The following LIMD1 variants were observed in gnomAD, a reference collection of about 807,000 sequenced individuals.
The protein encoded by LIMD1 is LIM domain containing 1.
LIMD1 carries 23 observed loss-of-function variants against 58.4 expected under a neutral mutation model. That is an observed-to-expected ratio of 0.39 (90% CI 0.28 to 0.56). LIMD1 has a LOEUF of 0.56. Among genes scored for constraint, LIMD1 ranks in the 20% least tolerant of loss-of-function variants. The pLI, the probability that LIMD1 is intolerant of heterozygous loss-of-function variation, is 0.57. For synonymous variants in LIMD1, 334 were observed against 345.5 expected (o/e 0.97, Z 0.37); for missense variants, 838 against 855.5 (o/e 0.98, Z 0.25).
At chr3:45,597,155 T>C (rs764778393) in intron 1 of LIMD1, among the ~76,000 whole-genome samples, 23 of 152,130 alleles carry the variant, frequency 1.5e-4, no homozygotes, top group African/African-American at 2.2e-4. Flanking sequence ...CCACCGCGCC[T>C]GGCCAGAGCA....
At chr3:45,633,877 CTG>C (rs924227932) in intron 1 of LIMD1, among the ~76,000 whole-genome samples, 11 of 152,224 alleles carry the variant, frequency 7.2e-5, no homozygotes, top group African/African-American at 2.4e-4. Context: ...GATATGAACT[CTG>C]AAACACAGGG....
rs1697802362 is a variant in LIMD1, at chr3:45,685,837, G to A, written c.*8778G>A. On this transcript the variant is annotated 3_prime_UTR_variant, in exon 8 of 8. Coordinates refer to ENST00000273317, the MANE Select transcript of LIMD1 (RefSeq NM_014240.3). ...ATGGGATTGTGTAATGCCCAACCTT[G>A]TTTTTACTAACCCTGTTTTTAGACT... 1 of 152,194 alleles carries A rather than the reference G, an allele frequency of 6.6e-6. No individual in the cohort carries two copies. The highest frequency in any genetic ancestry group is 2.4e-5 in the African/African-American group (1 of 41,432). The allele number at this position is 152,194 out of a possible 1,614,324, so 9.4% of individuals were successfully genotyped here. A position where few individuals can be genotyped will look rare whatever the true frequency, so the allele number is the denominator to read the frequency against.
intron 7 of LIMD1, among the ~76,000 whole-genome samples, chr3:45,675,495 C>G (rs960818756): frequency 1.3e-5 from 2 of 152,162 alleles, no homozygotes; most frequent in Non-Finnish European, 2.9e-5. Context: ...TGCTACTGCA[C>G]TCCAGCCTGG....
intron 1 of LIMD1, among the ~76,000 whole-genome samples, chr3:45,597,274 G>A (rs1274799400): frequency 1.3e-5 from 2 of 152,122 alleles, no homozygotes; most frequent in African/African-American, 4.8e-5. Flanking sequence ...AGAAACTGTG[G>A]GATGGGACCC....
At chr3:45,649,693 ATT>A (rs1701944135) in intron 2 of LIMD1, among the ~76,000 whole-genome samples, 2 of 136,532 alleles carry the variant, frequency 1.5e-5, no homozygotes, top group Admixed American at 1.5e-4. Flanking sequence ...AAAAAAAAAA[ATT>A]ATATATATGT....
At chr3:45,656,851 C>T (rs996201735) in intron 2 of LIMD1, among the ~76,000 whole-genome samples, 2 of 152,290 alleles carry the variant, frequency 1.3e-5, no homozygotes, top group Non-Finnish European at 2.9e-5. Context: ...CGTCAGGGCA[C>T]ATTATTGCAA....
chr3:45,597,644 G>A (rs1360889061), intron 1 of LIMD1, among the ~76,000 whole-genome samples: 2 of 152,094 alleles, frequency 1.3e-5, no homozygotes, highest in Non-Finnish European at 2.9e-5. Flanking sequence ...TTTTAACTTT[G>A]GATAATTGAC....
intron 1 of LIMD1, among the ~76,000 whole-genome samples, chr3:45,624,804 C>T (rs1701654764): frequency 6.6e-6 from 1 of 151,978 alleles, no homozygotes; most frequent in African/African-American, 2.4e-5. Context: ...GCTGCATCCT[C>T]AGCCTGGCTG....
At chr3:45,637,282 A>AT (rs35720186) in intron 2 of LIMD1, among the ~76,000 whole-genome samples, 94,826 of 144,644 alleles carry the variant, frequency 0.66, 31,315 homozygotes, top group East Asian at 0.91. Flanking sequence ...AAGTGTATTA[A>AT]TTTTTTTTTT....
intron 1 of LIMD1, among the ~76,000 whole-genome samples, chr3:45,608,839 C>CA (rs60750700): frequency 0.3 from 30,428 of 102,780 alleles, 5,046 homozygotes; most frequent in East Asian, 0.59. Flanking sequence ...GACTCGGTAT[C>CA]AAAAAAAAAA....
chr3:45,661,795 A>T (rs181755074), intron 2 of LIMD1, among the ~76,000 whole-genome samples: 6 of 152,168 alleles, frequency 3.9e-5, no homozygotes, highest in African/African-American at 4.8e-5. Context: ...GTCTCACTCT[A>T]TTGCCCAGGC....
chr3:45,621,185 G>T (rs577843896), intron 1 of LIMD1, among the ~76,000 whole-genome samples: 2 of 152,192 alleles, frequency 1.3e-5, no homozygotes, highest in Admixed American at 1.3e-4. Context: ...TTAGTTCCAG[G>T]ATTGAATTCC....
At chr3:45,602,988 G>A (rs1575341970) in intron 1 of LIMD1, among the ~76,000 whole-genome samples, 1 of 151,986 alleles carries the variant, frequency 6.6e-6, no homozygotes, top group Non-Finnish European at 1.5e-5. Context: ...TTACAGGCGC[G>A]CACCACCATG....
At chr3:45,662,343 T>A (rs1559525011) in intron 2 of LIMD1, among the ~76,000 whole-genome samples, 1 of 152,018 alleles carries the variant, frequency 6.6e-6, no homozygotes, top group African/African-American at 2.4e-5. Context: ...GAAATAATCC[T>A]TATTTACCTG....
chr3:45,642,130 C>T (rs1185576738), intron 2 of LIMD1, among the ~76,000 whole-genome samples: 1 of 151,990 alleles, frequency 6.6e-6, no homozygotes, highest in African/African-American at 2.4e-5. Context: ...TCCCCATCTG[C>T]TGATGAGAAG....
At chr3:45,614,298 C>G (rs973406349) in intron 1 of LIMD1, among the ~76,000 whole-genome samples, 1 of 150,824 alleles carries the variant, frequency 6.6e-6, no homozygotes, top group African/African-American at 2.4e-5. Context: ...GAGGCCGAGG[C>G]GGGTGGATCA....
At chr3:45,651,327 CT>C (rs146510305) in intron 2 of LIMD1, among the ~76,000 whole-genome samples, 39,343 of 151,996 alleles carry the variant, frequency 0.26, 5,857 homozygotes, top group East Asian at 0.54. Flanking sequence ...TGCAGAAGCT[CT>C]TTAGTTTAAT....
chr3:45,612,673 C>A (rs1701536912), intron 1 of LIMD1, among the ~76,000 whole-genome samples: 1 of 152,172 alleles, frequency 6.6e-6, no homozygotes, highest in Non-Finnish European at 1.5e-5. Context: ...ATGCTTCTTT[C>A]CAGTTAGTGC....
At chr3:45,658,521 C>CCA (rs1034620644) in intron 2 of LIMD1, among the ~76,000 whole-genome samples, 2 of 149,190 alleles carry the variant, frequency 1.3e-5, no homozygotes, top group Admixed American at 1.3e-4. Context: ...ACCATCCCCT[C>CCA]CACCATGCAG....
Sources: gnomAD v4.1 joint callset for allele counts (sites outside exome capture counted in the v4.1 genomes callset) on GRCh38, gnomAD v4.1.1 for gene constraint, MANE v1.5 for transcripts, NCBI Gene and HGNC (gene_info 2026-07-23, HGNC 2026-07-21) for gene names.